Variants in AATF observed in about 807,000 individuals in gnomAD.
AATF encodes the protein apoptosis antagonizing transcription factor, also known as protein AATF.
A neutral mutation model predicts 63.7 loss-of-function variants in AATF; 48 were observed. The ratio of observed to expected loss-of-function variants is 0.75; its 90% CI spans 0.60 to 0.96. The LOEUF is 0.96. AATF is among the 40% of genes least tolerant of loss of function. The probability of loss-of-function intolerance (pLI) is 0.00; values close to 1 mark genes in which losing one functional copy is unlikely to be tolerated. For synonymous variants in AATF, 258 were observed against 247.7 expected (o/e 1.04, Z -0.39); for missense variants, 639 against 685.7 (o/e 0.93, Z 0.76).
Position 37,014,301 on chromosome 17 carries a change from TAAG to T in AATF, c.1399-4703_1399-4701del, listed in dbSNP as rs796264625. ...ATAATAATAATAATAATAATAATAA[TAAG>T]GCTGTATATGGAATTTGAGTCTGGA... On this transcript the variant is annotated intron_variant, in intron 8 of 11. Coordinates refer to ENST00000619387, the MANE Select transcript of AATF (RefSeq NM_012138.4). Among the ~76,000 whole-genome samples the T allele has an allele frequency of 3.4e-5, 5 of 147,986 alleles. No homozygotes were observed. In the East Asian group the frequency reaches 5.9e-4, roughly 18 times the overall value.
At chr17:36,985,501 T>G (rs978404523) in intron 4 of AATF, among the ~76,000 whole-genome samples, 2 of 151,272 alleles carry the variant, frequency 1.3e-5, no homozygotes, top group African/African-American at 4.9e-5. Flanking sequence ...GAGGCTGGTC[T>G]TGAAACTCCT....
At chr17:36,964,170 CTTTTTTTTTT>C (rs36064518) in intron 4 of AATF, among the ~76,000 whole-genome samples, 1 of 101,388 alleles carries the variant, frequency 9.9e-6, no homozygotes, top group African/African-American at 4.0e-5. Flanking sequence ...GGGTGTTTTG[CTTTTTTTTTT>C]TTTTTTTTTT....
chr17:36,959,651 A>G (rs1026502937), intron 4 of AATF, among the ~76,000 whole-genome samples: 1 of 152,340 alleles, frequency 6.6e-6, no homozygotes, highest in East Asian at 1.9e-4. Flanking sequence ...TTCAGTCATA[A>G]TAAGTTGACC....
intron 8 of AATF, among the ~76,000 whole-genome samples, chr17:36,998,171 T>C (rs1183922471): frequency 2.0e-5 from 3 of 152,086 alleles, no homozygotes; most frequent in Non-Finnish European, 4.4e-5. Flanking sequence ...AAATCACCAC[T>C]AAAGAACTTA....
intron 5 of AATF, among the ~76,000 whole-genome samples, 165 bp downstream of exon 5, chr17:36,986,896 T>G (rs1457886334): frequency 6.6e-6 from 1 of 152,180 alleles, no homozygotes; most frequent in Non-Finnish European, 1.5e-5. Context: ...GGTGATTAGA[T>G]TTTAGATTTT....
At chr17:37,041,468 T>G (rs1336480965) in intron 11 of AATF, among the ~76,000 whole-genome samples, 1 of 152,208 alleles carries the variant, frequency 6.6e-6, no homozygotes, top group Non-Finnish European at 1.5e-5. Context: ...AGCTGAGGCT[T>G]ATGTCATTTT....
chr17:36,978,495 A>G (rs1379293480), intron 4 of AATF, among the ~76,000 whole-genome samples: 2 of 152,078 alleles, frequency 1.3e-5, no homozygotes, highest in South Asian at 2.1e-4. Context: ...AAGTCTCTAC[A>G]TTCTGCTTTG....
At chr17:36,957,687 C>G (rs1165509948) in intron 4 of AATF, among the ~76,000 whole-genome samples, 2 of 152,108 alleles carry the variant, frequency 1.3e-5, no homozygotes, top group African/African-American at 4.8e-5. Flanking sequence ...GTTCTCCTAC[C>G]TTTCTGATCT....
Position 36,950,128 on chromosome 17 carries a change from C to T in AATF, c.92-86C>T. The T allele has an allele frequency of 2.8e-6, 4 of 1,447,208 alleles. No individual in the cohort carries two copies. In the South Asian group the frequency reaches 5.2e-5, roughly 19 times the overall value. 89.6% of individuals were successfully genotyped at this position (1,447,208 alleles called of 1,614,324 possible). A position where few individuals can be genotyped will look rare whatever the true frequency, so the allele number is the denominator to read the frequency against. On this transcript the variant is annotated intron_variant, in intron 1 of 11. Transcript: ENST00000619387. ...TGGGGATTTCGTAAAGGACGTTCAA[C>T]TATGAGATAAATGGGTCGACCAGGG...
chr17:37,030,214 A>G (rs574543346), intron 10 of AATF, among the ~76,000 whole-genome samples: 5 of 152,188 alleles, frequency 3.3e-5, no homozygotes, highest in African/African-American at 7.2e-5. Context: ...CCCTGCCTCT[A>G]TTACTTGTAT....
chr17:37,013,178 T>G (rs918877903), intron 8 of AATF, among the ~76,000 whole-genome samples: 2 of 152,134 alleles, frequency 1.3e-5, no homozygotes, highest in African/African-American at 4.8e-5. Context: ...TAGACATTTC[T>G]CCAGTGAAGA....
At position 36,968,177 on chromosome 17, in the gene AATF, A is replaced by G. The variant is rs373845267; in HGVS notation, c.832+14270A>G. 1.8e-3 allele frequency among the ~76,000 whole-genome samples: 268 copies of G among 147,924 alleles called. 4 individuals are homozygous for G. In the South Asian group the frequency reaches 0.022, roughly 12 times the overall value. ...TTCATCCCTCCCTCTCTCTTCTAAG[A>G]CATTTCCTCAGCTTTATTTTCAGTA... On this transcript the variant is annotated intron_variant, in intron 4 of 11. Coordinates refer to ENST00000619387, the MANE Select transcript of AATF (RefSeq NM_012138.4).
intron 8 of AATF, among the ~76,000 whole-genome samples, chr17:37,015,164 G>A (rs553790543): frequency 2.6e-5 from 4 of 152,182 alleles, no homozygotes; most frequent in South Asian, 2.1e-4. Context: ...TTTATTATTC[G>A]GAATCTCTGA....
In AATF at chr17:36,968,109, C is replaced by T. The variant is rs1422860344; in HGVS notation, c.832+14202C>T. Among the ~76,000 whole-genome samples, 5 of 151,560 alleles carry T rather than the reference C, an allele frequency of 3.3e-5. No individual in the cohort carries two copies. In the East Asian group the frequency reaches 7.7e-4, roughly 23 times the overall value. ...CTCTCTCTTTCTGGAAGGCCTATTA[C>T]TTGGCATCAGACTGTTTCTGTGATT... On this transcript the variant is annotated intron_variant, in intron 4 of 11. Transcript: ENST00000619387.
chr17:36,975,064 G>C (rs903020936), intron 4 of AATF, among the ~76,000 whole-genome samples: 1 of 152,126 alleles, frequency 6.6e-6, no homozygotes, highest in Non-Finnish European at 1.5e-5. Context: ...ACAATACTTA[G>C]TGAAATATGT....
At position 36,952,990 on chromosome 17, in the gene AATF, TGTG is replaced by T; in HGVS notation, c.392_394del (p.Gly131del). On this transcript the variant is annotated inframe_deletion, in exon 3 of 12. Transcript: ENST00000619387. ...CCTGGGTGCTGCTGAGGAACAGGAGTGTGGTGATCACAGGGAGAGCAAGAAGAG... is the reference window on the plus strand; with the variant it reads ...CCTGGGTGCTGCTGAGGAACAGGAGTGTGATCACAGGGAGAGCAAGAAGAG... The T allele has an allele frequency of 1.2e-6, 2 of 1,613,654 alleles. No individual in the cohort carries two copies. The highest frequency in any genetic ancestry group is 1.7e-6 in the Non-Finnish European group (2 of 1,179,940).
At chr17:37,024,523 G>A (rs938104111) in intron 10 of AATF, among the ~76,000 whole-genome samples, 1 of 152,210 alleles carries the variant, frequency 6.6e-6, no homozygotes, top group African/African-American at 2.4e-5. Flanking sequence ...GTGAATATGA[G>A]AGAATGGCAG....
At chr17:36,962,710 A>G (rs775045426) in intron 4 of AATF, among the ~76,000 whole-genome samples, 9 of 152,198 alleles carry the variant, frequency 5.9e-5, no homozygotes, top group Non-Finnish European at 1.2e-4. Context: ...GTAGCTCCAT[A>G]GTAGGATCAC....
At chr17:37,011,771 T>G (rs1265327186) in intron 8 of AATF, among the ~76,000 whole-genome samples, 4 of 151,684 alleles carry the variant, frequency 2.6e-5, no homozygotes, top group Non-Finnish European at 5.9e-5. Context: ...ATAGGATGAG[T>G]AGTGCTAGAT....
Sources: allele counts gnomAD v4.1 joint callset (sites outside exome capture counted in the v4.1 genomes callset), GRCh38; gene constraint gnomAD v4.1.1; transcripts MANE v1.5; gene names NCBI Gene and HGNC (gene_info 2026-07-23, HGNC 2026-07-21).